The following DNM1L variants were observed in gnomAD, a reference collection of about 807,000 sequenced individuals.
The protein encoded by DNM1L is dynamin-1-like protein.
DNM1L carries 33 observed loss-of-function variants against 92.8 expected under a neutral mutation model. That is an observed-to-expected ratio of 0.36 (90% confidence interval 0.27 to 0.48). The LOEUF (loss-of-function observed/expected upper bound fraction) is 0.48. DNM1L is among the 20% of genes least tolerant of loss of function. The pLI is 0.99. For synonymous variants in DNM1L, 284 were observed against 305.0 expected (o/e 0.93, Z 0.72); for missense variants, 485 against 888.8 (o/e 0.55, Z 5.78).
chr12:32,704,336 G>A (rs1457978038), intron 2 of DNM1L, among the ~76,000 whole-genome samples: 1 of 152,086 alleles, frequency 6.6e-6, no homozygotes, highest in African/African-American at 2.4e-5. Flanking sequence ...GATCACCTGA[G>A]GTCAGGAGTT....
intron 12 of DNM1L, chr12:32,732,573 G>A (rs950794461): frequency 3.1e-5 from 14 of 455,772 alleles, no homozygotes; most frequent in Admixed American, 1.4e-4. Context: ...GGTGAACCCC[G>A]TGGAGGTTTA....
chr12:32,724,673 TAATA>T (rs1381378330), intron 9 of DNM1L, among the ~76,000 whole-genome samples: 2 of 136,352 alleles, frequency 1.5e-5, no homozygotes, highest in Non-Finnish European at 3.1e-5. Context: ...TAAAAAATAA[TAATA>T]TATATAATAA....
intron 15 of DNM1L, 79 bp downstream of exon 15, chr12:32,738,021 TAGA>T: frequency 6.9e-7 from 1 of 1,442,506 alleles, no homozygotes; most frequent in Non-Finnish European, 9.7e-7. Flanking sequence ...ATACACTGAA[TAGA>T]AGAATATTAA....
intron 9 of DNM1L, among the ~76,000 whole-genome samples, chr12:32,729,394 A>G (rs1352495457): frequency 2.0e-5 from 3 of 151,982 alleles, no homozygotes; most frequent in Admixed American, 1.3e-4. Context: ...ATTCTTATCT[A>G]TTAAGCAATT....
intron 19 of DNM1L, 29 bp downstream of exon 19, chr12:32,742,777 T>C (rs1955395572): frequency 6.2e-7 from 1 of 1,613,596 alleles, no homozygotes; most frequent in Non-Finnish European, 8.5e-7. Flanking sequence ...TTTTTTATAC[T>C]TGGGTAGTAG....
chr12:32,737,377 T>C, intron 14 of DNM1L: 1 of 524,134 alleles, frequency 1.9e-6, no homozygotes, highest in Non-Finnish European at 3.3e-6. Context: ...TAAAAGTAGA[T>C]TTAAGCATTT....
chr12:32,742,891 T>C, intron 19 of DNM1L, 143 bp downstream of exon 19: 1 of 346,942 alleles, frequency 2.9e-6, no homozygotes, highest in Non-Finnish European at 4.0e-6. Flanking sequence ...TAAGAATCTT[T>C]TTTTTTTTTT....
At chr12:32,679,856 T>A (rs1416329267) in intron 1 of DNM1L, 1 of 994,498 alleles carries the variant, frequency 1.0e-6, no homozygotes, top group Non-Finnish European at 1.2e-6. Flanking sequence ...CGGGTCTCGC[T>A]GGGCTCGGTG....
intron 1 of DNM1L, among the ~76,000 whole-genome samples, chr12:32,693,909 G>C (rs928944668): frequency 3.9e-5 from 6 of 151,924 alleles, no homozygotes; most frequent in Admixed American, 3.9e-4. Context: ...ACATTGCTGG[G>C]GTTACAGGCA....
chr12:32,708,342 C>T (rs546348286), intron 4 of DNM1L, 118 bp downstream of exon 4: 2 of 657,662 alleles, frequency 3.0e-6, no homozygotes, highest in East Asian at 2.8e-5. Context: ...GCCAAAAGGC[C>T]GAGAAGCGAT....
In DNM1L at chr12:32,744,961, T is replaced by A. The variant is rs1274150271; in HGVS notation, c.*1551T>A. ...TTGCAGATATTACTTTTTTTTCAGT[T>A]TATGACCAGGTATTTATGAAGGACT... is the stretch of plus-strand genomic sequence containing the variant. On this transcript the variant is annotated 3_prime_UTR_variant, in exon 20 of 20. Coordinates refer to ENST00000549701, the MANE Select transcript of DNM1L (RefSeq NM_012062.5). The A allele has an allele frequency of 1.9e-6, 1 of 518,786 alleles. No individual in the cohort carries two copies. The highest frequency in any genetic ancestry group is 1.4e-5 in the South Asian group (1 of 71,510). 32.1% of individuals were successfully genotyped at this position (518,786 alleles called of 1,614,324 possible). A position where few individuals can be genotyped will look rare whatever the true frequency, so the allele number is the denominator to read the frequency against.
At chr12:32,727,123 A>G (rs1170757545) in intron 9 of DNM1L, 16 of 745,496 alleles carry the variant, frequency 2.1e-5, no homozygotes, top group Non-Finnish European at 3.9e-5. Context: ...TTTTCTTTCA[A>G]CTCCTCTGAA....
chr12:32,704,276 G>A (rs950538183), intron 2 of DNM1L, among the ~76,000 whole-genome samples: 12 of 152,198 alleles, frequency 7.9e-5, no homozygotes, highest in Admixed American at 4.6e-4. Context: ...TAGGCCGGGC[G>A]CGGTGGCTCA....
chr12:32,680,659 G>A (rs1043770794), intron 1 of DNM1L, among the ~76,000 whole-genome samples: 2 of 152,118 alleles, frequency 1.3e-5, no homozygotes, highest in African/African-American at 4.8e-5. Flanking sequence ...AACAATATTT[G>A]TAATGTTTGG....
chr12:32,717,958 A>T (rs1051234479), intron 6 of DNM1L, among the ~76,000 whole-genome samples: 3 of 107,746 alleles, frequency 2.8e-5, no homozygotes, highest in Admixed American at 1.2e-4. Flanking sequence ...TAGTATATAT[A>T]GTATATATAT....
intron 7 of DNM1L, among the ~76,000 whole-genome samples, chr12:32,719,429 G>A (rs1397771429): frequency 6.6e-6 from 1 of 152,206 alleles, no homozygotes; most frequent in Non-Finnish European, 1.5e-5. Flanking sequence ...TAAGGTGGCA[G>A]GATTTTAATA....
At chr12:32,723,398 G>A (rs572786023) in intron 9 of DNM1L, among the ~76,000 whole-genome samples, 121 of 152,156 alleles carry the variant, frequency 8.0e-4, no homozygotes, top group Non-Finnish European at 1.4e-3. Context: ...ACCTCAGTTC[G>A]TTAAAAATGG....
At chr12:32,710,778 A>C in intron 4 of DNM1L, 151 bp from the exon 5 acceptor site, 2 of 627,190 alleles carry the variant, frequency 3.2e-6, no homozygotes, top group Middle Eastern at 4.5e-4. Flanking sequence ...CTGACTTCCC[A>C]TGTGTTTCAT....
chr12:32,717,772 A>G (rs1472813830), intron 6 of DNM1L, among the ~76,000 whole-genome samples: 1 of 122,616 alleles, frequency 8.2e-6, no homozygotes, highest in South Asian at 2.3e-4. Flanking sequence ...AAAAATATAT[A>G]TACCTAGGTA....
Sources: allele counts gnomAD v4.1 joint callset (sites outside exome capture counted in the v4.1 genomes callset), GRCh38; gene constraint gnomAD v4.1.1; transcripts MANE v1.5; gene names NCBI Gene and HGNC (gene_info 2026-07-23, HGNC 2026-07-21).